DNAH6: variants seen among roughly 807,000 people sequenced by gnomAD.
DNAH6 encodes the protein axonemal beta dynein heavy chain 6.
Under a neutral mutation model 491.4 loss-of-function variants are expected in DNAH6, and 340 were observed. The ratio of observed to expected loss-of-function variants is 0.69; its 90% confidence interval spans 0.63 to 0.76. The LOEUF is 0.76. Ranked by LOEUF, DNAH6 falls within the 30% of genes least tolerant of loss-of-function variation. The pLI, the probability that DNAH6 is intolerant of heterozygous loss-of-function variation, is 0.00. For synonymous variants in DNAH6, 1,603 were observed against 1,686.1 expected, an observed-to-expected ratio of 0.95 and a Z score of 1.21; for missense variants, 4,443 against 4,972.2, an observed-to-expected ratio of 0.89 and a Z score of 3.20.
In DNAH6 at chr2:84,753,755, TAAAAAAAAAAAAA is replaced by T. The variant is rs1162541312; in HGVS notation, c.10512+8518_10512+8530del. ...CTGGGCAACAGGAGTGAAACTCTGTTAAAAAAAAAAAAAAAAAAAAAAAAGTACAGTTTTGGCT... is the reference window on the plus strand; with the variant it reads ...CTGGGCAACAGGAGTGAAACTCTGTTAAAAAAAAAAAGTACAGTTTTGGCT... On this transcript the variant is annotated intron_variant, in intron 63 of 76. Coordinates refer to ENST00000389394, the MANE Select transcript of DNAH6 (RefSeq NM_001370.2). 6.5e-5 allele frequency among the ~76,000 whole-genome samples: 5 copies of T among 77,144 alleles called. No individual in the cohort carries two copies. In the East Asian group the frequency reaches 1.6e-3, roughly 25 times the overall value. The allele number at this position is 77,144 out of a possible 152,430, so 50.6% of individuals were successfully genotyped here. A position where few individuals can be genotyped will look rare whatever the true frequency, so the allele number is the denominator to read the frequency against.
chr2:84,652,811 T>C (rs781711093), intron 33 of DNAH6, among the ~76,000 whole-genome samples: 1 of 152,068 alleles, frequency 6.6e-6, no homozygotes, highest in Admixed American at 6.6e-5. Context: ...CCTTCCTTCT[T>C]GCATGATGCT....
At chr2:84,590,164 G>A (rs1683965078) in intron 16 of DNAH6, among the ~76,000 whole-genome samples, 1 of 152,080 alleles carries the variant, frequency 6.6e-6, no homozygotes, top group Non-Finnish European at 1.5e-5. Flanking sequence ...AAGGTATGTA[G>A]TAAGGAGCAA....
chr2:84,533,314 A>G (rs1325248546), intron 4 of DNAH6, among the ~76,000 whole-genome samples: 1 of 152,162 alleles, frequency 6.6e-6, no homozygotes, highest in Non-Finnish European at 1.5e-5. Context: ...TTTTATTTCA[A>G]TCATGAAATA....
chr2:84,550,320 C>G (rs1679210511), intron 9 of DNAH6, among the ~76,000 whole-genome samples: 1 of 152,098 alleles, frequency 6.6e-6, no homozygotes, highest in Non-Finnish European at 1.5e-5. Context: ...AGCATGCAAC[C>G]TAGATCCCTC....
At chr2:84,725,739 AG>A (rs1362107776) in intron 60 of DNAH6, among the ~76,000 whole-genome samples, 1 of 152,238 alleles carries the variant, frequency 6.6e-6, no homozygotes, top group African/African-American at 2.4e-5. Context: ...ACATATTTGT[AG>A]GTGACAGCCT....
intron 21 of DNAH6, 143 bp downstream of exon 21, chr2:84,607,238 T>C (rs544363610): frequency 1.2e-6 from 1 of 852,538 alleles, no homozygotes; most frequent in East Asian, 2.7e-5. Flanking sequence ...GTTTAGAATG[T>C]AAGGGAAATG....
chr2:84,813,232 A>G, intron 74 of DNAH6, 102 bp downstream of exon 74: 2 of 851,716 alleles, frequency 2.3e-6, no homozygotes, highest in Non-Finnish European at 1.9e-6. Flanking sequence ...ATGCTCTAGC[A>G]ATGAGGCTAT....
Position 84,812,415 on chromosome 2 carries a change from C to T in DNAH6, c.11814C>T (p.Asn3938=). 1 of 1,551,836 alleles carries T rather than the reference C, an allele frequency of 6.4e-7. No individual in the cohort carries two copies. ...CTGAAGAAATGGAAAAAGTGTATAACAGTTTCCTCAACAACCAGGTTCCCG... is the reference window on the plus strand; with the variant it reads ...CTGAAGAAATGGAAAAAGTGTATAATAGTTTCCTCAACAACCAGGTTCCCG... ...VMSEEMEKVY[N]SFLNNQVPAL... Residue 3938 remains asparagine, a synonymous_variant, in exon 73 of 77, where the codon AAC becomes AAT. Coordinates refer to ENST00000389394, the MANE Select transcript of DNAH6 (RefSeq NM_001370.2).
At chr2:84,603,947 GTAGGC>G (rs1685509556) in intron 18 of DNAH6, among the ~76,000 whole-genome samples, 1 of 152,144 alleles carries the variant, frequency 6.6e-6, no homozygotes, top group African/African-American at 2.4e-5. Context: ...CACTGTATTT[GTAGGC>G]TCAGAGGTTT....
intron 29 of DNAH6, among the ~76,000 whole-genome samples, chr2:84,629,735 A>C (rs1688224294): frequency 6.6e-6 from 1 of 152,202 alleles, no homozygotes; most frequent in African/African-American, 2.4e-5. Context: ...TGTGGTCTTA[A>C]GTACCTTTTC....
chr2:84,654,093 T>C (rs1299362108), intron 34 of DNAH6, among the ~76,000 whole-genome samples: 4 of 151,220 alleles, frequency 2.6e-5, no homozygotes, highest in Admixed American at 2.0e-4. Flanking sequence ...CTGGCTTCCC[T>C]GAGAGAGGGA....
chr2:84,794,246 C>T (rs1285257934), intron 68 of DNAH6, among the ~76,000 whole-genome samples: 1 of 152,036 alleles, frequency 6.6e-6, no homozygotes, highest in Non-Finnish European at 1.5e-5. Context: ...CTAGGCATTA[C>T]CATTCAGGAC....
chr2:84,761,493 CA>C (rs1441240161), intron 63 of DNAH6, among the ~76,000 whole-genome samples: 1 of 151,216 alleles, frequency 6.6e-6, no homozygotes, highest in Non-Finnish European at 1.5e-5. Flanking sequence ...AGTGTCCACC[CA>C]AAAAAAATAT....
intron 37 of DNAH6, among the ~76,000 whole-genome samples, chr2:84,659,798 A>G (rs773904915): frequency 4.6e-5 from 7 of 152,252 alleles, no homozygotes; most frequent in Admixed American, 6.5e-5. Context: ...CCTGTGCAAT[A>G]TAGCAAGACT....
intron 64 of DNAH6, among the ~76,000 whole-genome samples, chr2:84,780,226 A>G (rs1294522455): frequency 4.6e-5 from 7 of 152,218 alleles, no homozygotes; most frequent in Non-Finnish European, 7.3e-5. Flanking sequence ...ATTCTCAAAT[A>G]TGTTACCCGA....
intron 64 of DNAH6, among the ~76,000 whole-genome samples, chr2:84,765,878 T>C (rs893638401): frequency 6.6e-6 from 1 of 152,054 alleles, no homozygotes; most frequent in African/African-American, 2.4e-5. Context: ...ATTCAAAAGA[T>C]ATATGCCATG....
chr2:84,653,344 G>A lies in DNAH6; in HGVS notation c.5104G>A (p.Gly1702Arg), dbSNP rs1690639687. Residue 1702 changes from glycine (G) to arginine (R), a missense_variant, in exon 34 of 77, where the codon GGA (glycine) becomes AGA (arginine). Around this residue, in one of 3 missense-constraint regions of DNAH6, gnomAD observed 2,977 missense variants for 3,296.6 expected, o/e 0.90. Transcript: ENST00000389394. ...FSGIISDLFP[G>R]VQIPEHDYGI... ...TGGAATCATATCTGACCTTTTTCCT[G>A]GAGTCCAAATTCCAGAACATGATTA... 2 of 1,534,534 alleles carry A rather than the reference G, an allele frequency of 1.3e-6. No homozygotes were observed. The highest frequency in any genetic ancestry group is 1.4e-5 in the African/African-American group (1 of 72,288).
intron 67 of DNAH6, 124 bp downstream of exon 67, chr2:84,785,880 A>C: frequency 9.7e-7 from 1 of 1,033,080 alleles, no homozygotes; most frequent in Non-Finnish European, 1.3e-6. Flanking sequence ...TCTGTGTCTG[A>C]ACCCAAGTTG....
At chr2:84,759,336 T>A (rs1674349109) in intron 63 of DNAH6, among the ~76,000 whole-genome samples, 1 of 151,876 alleles carries the variant, frequency 6.6e-6, no homozygotes, top group South Asian at 2.1e-4. Context: ...GGCAAAACCC[T>A]GTCTCTACTA....
Sources: gnomAD v4.1 joint callset for allele counts (sites outside exome capture counted in the v4.1 genomes callset) on GRCh38, gnomAD v4.1.1 for gene constraint, gnomAD v4.1.1 regional missense constraint, MANE v1.5 for transcripts, NCBI Gene and HGNC (gene_info 2026-07-23, HGNC 2026-07-21) for gene names.